BMPR2: variants seen among roughly 807,000 people sequenced by gnomAD.
BMPR2 encodes the protein bone morphogenetic protein receptor type-2.
BMPR2 carries 29 observed loss-of-function variants against 100.8 expected under a neutral mutation model. That is an observed-to-expected ratio of 0.29 (90% confidence interval 0.21 to 0.39). BMPR2 has a LOEUF of 0.39. Ranked by LOEUF, BMPR2 falls within the 10% of genes least tolerant of loss-of-function variation. The probability of loss-of-function intolerance (pLI) is 1.00; values close to 1 mark genes in which losing one functional copy is unlikely to be tolerated. For synonymous variants in BMPR2, 382 were observed against 442.3 expected, an observed-to-expected ratio of 0.86 and a Z score of 1.71; for missense variants, 1,011 against 1,274.5, an observed-to-expected ratio of 0.79 and a Z score of 3.15.
intron 1 of BMPR2, among the ~76,000 whole-genome samples, chr2:202,403,562 T>A (rs1690816154): frequency 1.3e-5 from 2 of 152,216 alleles, no homozygotes; most frequent in African/African-American, 4.8e-5. Flanking sequence ...AAGTGATACC[T>A]CTAGAAAGTT....
chr2:202,511,237 A>G (rs1687618412), intron 3 of BMPR2, among the ~76,000 whole-genome samples: 2 of 152,190 alleles, frequency 1.3e-5, no homozygotes, highest in African/African-American at 2.4e-5. Flanking sequence ...TTTCATTTCA[A>G]TGGAATCATA....
At chr2:202,473,413 GTGCAC>G (rs1692474328) in intron 3 of BMPR2, among the ~76,000 whole-genome samples, 1 of 152,102 alleles carries the variant, frequency 6.6e-6, no homozygotes, top group Non-Finnish European at 1.5e-5. Flanking sequence ...GATTGCGCCA[GTGCAC>G]TCCAGCCTAG....
At chr2:202,461,262 T>C (rs990636075) in intron 1 of BMPR2, among the ~76,000 whole-genome samples, 1 of 151,936 alleles carries the variant, frequency 6.6e-6, no homozygotes, top group Non-Finnish European at 1.5e-5. Flanking sequence ...CCAAGGTGGG[T>C]GGATCACCTG....
At chr2:202,427,315 G>A (rs903920730) in intron 1 of BMPR2, among the ~76,000 whole-genome samples, 1 of 144,898 alleles carries the variant, frequency 6.9e-6, no homozygotes, top group African/African-American at 2.6e-5. Flanking sequence ...AGCTGAGATC[G>A]CGCCACTGCA....
chr2:202,474,458 C>T (rs1470255177), intron 3 of BMPR2, among the ~76,000 whole-genome samples: 2 of 151,980 alleles, frequency 1.3e-5, no homozygotes, highest in East Asian at 3.9e-4. Context: ...GAGATTCCGT[C>T]TCAAAAAAAA....
At chr2:202,499,240 C>A (rs550188299) in intron 3 of BMPR2, among the ~76,000 whole-genome samples, 2 of 152,172 alleles carry the variant, frequency 1.3e-5, no homozygotes, top group Non-Finnish European at 2.9e-5. Context: ...TAGGGCAAAC[C>A]TTTGACCTCC....
intron 1 of BMPR2, among the ~76,000 whole-genome samples, chr2:202,417,355 T>A (rs1276413991): frequency 1.3e-5 from 2 of 152,102 alleles, no homozygotes; most frequent in African/African-American, 4.8e-5. Context: ...CTGGATGGAG[T>A]GCAATGGCAC....
intron 3 of BMPR2, among the ~76,000 whole-genome samples, chr2:202,486,969 C>G (rs1441452437): frequency 6.6e-6 from 1 of 152,128 alleles, no homozygotes; most frequent in East Asian, 1.9e-4. Context: ...GAGATGGAGG[C>G]TACAGTGAGC....
rs1166246933 is a variant in BMPR2 at position 202,492,700 on chromosome 2, CAA to C, written c.419-20997_419-20996del. 7.4e-3 allele frequency among the ~76,000 whole-genome samples: 392 copies of C among 52,764 alleles called. 1 individual carries two copies. Among genetic ancestry groups the C allele is most frequent in the Middle Eastern group, 0.023 (1 of 44 alleles). 34.6% of individuals were successfully genotyped at this position (52,764 alleles called of 152,430 possible). Reference sequence around the variant, plus strand: ...GGGCGACAATAGCGAAGCTCTGTCTCAAAAAAAAAAAAAAAAAAAAAAACCAA... The same window carrying C: ...GGGCGACAATAGCGAAGCTCTGTCTCAAAAAAAAAAAAAAAAAAAAACCAA... On this transcript the variant is annotated intron_variant, in intron 3 of 12. Coordinates refer to ENST00000374580, the MANE Select transcript of BMPR2 (RefSeq NM_001204.7).
intron 12 of BMPR2, among the ~76,000 whole-genome samples, chr2:202,558,419 C>T (rs1029190547): frequency 1.3e-5 from 2 of 152,046 alleles, no homozygotes; most frequent in African/African-American, 4.8e-5. Context: ...GCCTATTTCT[C>T]TTTTAGACTA....
rs77200190 is a variant in BMPR2 at position 202,553,439 on chromosome 2, G to A, written c.1586+551G>A. ...TATTATTTTACAAGACATTTTCTTT[G>A]TTAGAACTATGATTTTTGGTTCTAA... On this transcript the variant is annotated intron_variant, in intron 11 of 12. Transcript: ENST00000374580. Among the ~76,000 whole-genome samples, 913 of 151,964 alleles carry A rather than the reference G, an allele frequency of 6.0e-3. 16 individuals are homozygous for A. The highest frequency in any genetic ancestry group is 0.021 in the African/African-American group (871 of 41,452).
At chr2:202,403,000 G>A (rs1690798040) in intron 1 of BMPR2, among the ~76,000 whole-genome samples, 1 of 149,386 alleles carries the variant, frequency 6.7e-6, no homozygotes, top group African/African-American at 2.5e-5. Context: ...GGCTAATTTT[G>A]TATTTTTAGT....
At chr2:202,458,283 C>CAAAAAAAAAA (rs71035009) in intron 1 of BMPR2, among the ~76,000 whole-genome samples, 24 of 52,304 alleles carry the variant, frequency 4.6e-4, no homozygotes, top group African/African-American at 9.7e-4. Context: ...CTTGTCTCTG[C>CAAAAAAAAAA]AAAAAAAAAA....
chr2:202,406,433 A>C (rs1332785118), intron 1 of BMPR2, among the ~76,000 whole-genome samples: 3 of 152,210 alleles, frequency 2.0e-5, no homozygotes, highest in Non-Finnish European at 4.4e-5. Flanking sequence ...TATGGGTTTA[A>C]GGAAATTGGT....
rs1342923502 is a variant in BMPR2, at chr2:202,566,678, T to A, written c.*6732T>A. The A allele has an allele frequency of 1.3e-5, 2 of 152,204 alleles. No homozygotes were observed. The highest frequency in any genetic ancestry group is 2.9e-5 in the Non-Finnish European group (2 of 68,016). 9.4% of individuals were successfully genotyped at this position (152,204 alleles called of 1,614,324 possible). The stretch of plus-strand genomic sequence containing the variant: ...GATTTTCTCAAGAGACAATTTAACG[T>A]TATAAAGCCTTCTAAAAGTGAACTA... On this transcript the variant is annotated 3_prime_UTR_variant, in exon 13 of 13. Transcript: ENST00000374580.
chr2:202,556,905 T>G (rs979231297), intron 12 of BMPR2, among the ~76,000 whole-genome samples: 45 of 151,234 alleles, frequency 3.0e-4, no homozygotes, highest in African/African-American at 1.0e-3. Context: ...GCCAACATGG[T>G]GAAACCCCAT....
chr2:202,402,404 C>A lies in BMPR2; in HGVS notation c.76+24854C>A, dbSNP rs1023110467. 2.6e-5 allele frequency among the ~76,000 whole-genome samples: 4 copies of A among 152,178 alleles called. No individual in the cohort carries two copies. In the East Asian group the frequency reaches 7.8e-4, roughly 29 times the overall value. The stretch of plus-strand genomic sequence containing the variant: ...GTGGTGGCACACGCCTGTATCCCAG[C>A]TACTCAGGAGGCTGAGGCAGGAGAA... On this transcript the variant is annotated intron_variant, in intron 1 of 12. Coordinates refer to ENST00000374580, the MANE Select transcript of BMPR2 (RefSeq NM_001204.7).
intron 1 of BMPR2, among the ~76,000 whole-genome samples, chr2:202,420,361 CA>C (rs1425989191): frequency 6.6e-6 from 1 of 151,888 alleles, no homozygotes; most frequent in Non-Finnish European, 1.5e-5. Context: ...ATAATTTATA[CA>C]GAGAAACTGT....
Position 202,473,383 on chromosome 2 carries a change from C to T in BMPR2, c.418+5694C>T, listed in dbSNP as rs546040279. ...GGGAGGATCACTTGAGTTTGGGAGG[C>T]GGAAGTTGCTGTAATCCAAGATTGC... On this transcript the variant is annotated intron_variant, in intron 3 of 12. Transcript: ENST00000374580. Among the ~76,000 whole-genome samples, 15 of 152,056 alleles carry T rather than the reference C, an allele frequency of 9.9e-5. No homozygotes were observed. The South Asian group carries it at 2.7e-3, about 27-fold the overall frequency.
Sources: allele counts gnomAD v4.1 joint callset (sites outside exome capture counted in the v4.1 genomes callset), GRCh38; gene constraint gnomAD v4.1.1; transcripts MANE v1.5; gene names NCBI Gene and HGNC (gene_info 2026-07-23, HGNC 2026-07-21).